CAMK2D: variants seen among roughly 807,000 people sequenced by gnomAD.
CAMK2D encodes calcium/calmodulin dependent protein kinase II delta.
Under a neutral mutation model 84.0 loss-of-function variants are expected in CAMK2D, and 37 were observed. The ratio of observed to expected loss-of-function variants is 0.44; its 90% CI spans 0.34 to 0.58. The LOEUF is 0.58. Ranked by LOEUF, CAMK2D falls within the 20% of genes least tolerant of loss-of-function variation. CAMK2D has a pLI of 0.02. For missense variants in CAMK2D, 448 were observed against 652.5 expected (o/e 0.69, Z 3.41); for synonymous variants, 202 against 212.5 (o/e 0.95, Z 0.43).
intron 2 of CAMK2D, among the ~76,000 whole-genome samples, chr4:113,685,064 A>G (rs955487191): frequency 1.3e-5 from 2 of 152,142 alleles, no homozygotes; most frequent in Admixed American, 6.5e-5. Flanking sequence ...AGGCACCTGG[A>G]GAGAGTAAAC....
At chr4:113,503,159 G>T in intron 14 of CAMK2D, 182 bp from the exon 15 acceptor site, 7 of 724,096 alleles carry the variant, frequency 9.7e-6, no homozygotes, top group Non-Finnish European at 1.8e-5. Flanking sequence ...CCCTGGCGAG[G>T]CCATGAGATA....
chr4:113,670,938 A>T (rs1283328628), intron 2 of CAMK2D, among the ~76,000 whole-genome samples: 5 of 152,104 alleles, frequency 3.3e-5, no homozygotes. Flanking sequence ...AAAAAAAAAA[A>T]GATAAACACA....
rs140050634 is a variant in CAMK2D, at chr4:113,755,966, T to C, written c.160+3354A>G. On this transcript the variant is annotated intron_variant, in intron 2 of 20. Coordinates refer to ENST00000511664, the MANE Select transcript of CAMK2D (RefSeq NM_001321571.2). ...AATTACATATAAAATATAAGATGCTTGAGATGCTTCCATACTACTTATTTT... is the reference window on the plus strand; with the variant it reads ...AATTACATATAAAATATAAGATGCTCGAGATGCTTCCATACTACTTATTTT... Among the ~76,000 whole-genome samples, 97 of 152,110 alleles carry C rather than the reference T, an allele frequency of 6.4e-4. 2 individuals are homozygous for C. In the East Asian group the frequency reaches 0.016, roughly 25 times the overall value.
At chr4:113,490,893 T>C in intron 16 of CAMK2D, among the ~76,000 whole-genome samples, 2 of 85,022 alleles carry the variant, frequency 2.4e-5, no homozygotes, top group African/African-American at 1.2e-4. Context: ...TATTTTATTC[T>C]CTTTGAAGCA....
intron 16 of CAMK2D, among the ~76,000 whole-genome samples, chr4:113,482,322 C>A (rs889397126): frequency 6.6e-6 from 1 of 152,048 alleles, no homozygotes; most frequent in African/African-American, 2.4e-5. Flanking sequence ...TTTTCTGAGA[C>A]CGCATGTGGG....
At chr4:113,614,819 G>A (rs1449625684) in intron 3 of CAMK2D, among the ~76,000 whole-genome samples, 7 of 152,054 alleles carry the variant, frequency 4.6e-5, no homozygotes, top group Non-Finnish European at 5.9e-5. Flanking sequence ...CCTCAAATAC[G>A]TTTTTCAATA....
intron 15 of CAMK2D, 89 bp from the exon 16 acceptor site, chr4:113,500,600 C>A: frequency 1.3e-6 from 1 of 756,462 alleles, no homozygotes. Flanking sequence ...ACATATCATG[C>A]AAAATTCTTC....
chr4:113,725,870 T>C (rs953400047), intron 2 of CAMK2D, among the ~76,000 whole-genome samples: 3 of 152,050 alleles, frequency 2.0e-5, no homozygotes, highest in Non-Finnish European at 2.9e-5. Flanking sequence ...AGGAAGTAAA[T>C]CATACCATAT....
chr4:113,481,037 T>C (rs957421218), intron 16 of CAMK2D, among the ~76,000 whole-genome samples: 2 of 152,202 alleles, frequency 1.3e-5, no homozygotes, highest in African/African-American at 2.4e-5. Flanking sequence ...AATTACCCAG[T>C]CTGTGATATT....
chr4:113,479,054 T>TA (rs1406445784), intron 16 of CAMK2D, among the ~76,000 whole-genome samples: 1 of 152,226 alleles, frequency 6.6e-6, no homozygotes, highest in Non-Finnish European at 1.5e-5. Context: ...AATGATCCTG[T>TA]ACACAGTCAA....
At chr4:113,501,027 A>C (rs2098034039) in intron 15 of CAMK2D, among the ~76,000 whole-genome samples, 1 of 152,088 alleles carries the variant, frequency 6.6e-6, no homozygotes, top group African/African-American at 2.4e-5. Context: ...TTTAATGAAG[A>C]AGCTAAGGGG....
chr4:113,542,782 A>C (rs1290961396), intron 6 of CAMK2D, among the ~76,000 whole-genome samples: 14 of 151,850 alleles, frequency 9.2e-5, no homozygotes. Context: ...ATTCCTTTCT[A>C]CTTTGGTCAT....
intron 4 of CAMK2D, among the ~76,000 whole-genome samples, chr4:113,599,846 T>G (rs890406745): frequency 5.9e-5 from 9 of 152,162 alleles, no homozygotes; most frequent in Admixed American, 3.9e-4. Context: ...AAAGGTCTTA[T>G]CCTCATCATC....
chr4:113,696,420 A>G (rs950877628), intron 2 of CAMK2D, among the ~76,000 whole-genome samples: 34 of 152,018 alleles, frequency 2.2e-4, no homozygotes, highest in African/African-American at 7.5e-4. Context: ...ACAATCAATA[A>G]TTATTTTTTA....
intron 2 of CAMK2D, among the ~76,000 whole-genome samples, chr4:113,674,920 T>C (rs1363972343): frequency 6.6e-6 from 1 of 151,838 alleles, no homozygotes; most frequent in Non-Finnish European, 1.5e-5. Context: ...CTTGAGACTC[T>C]AGGAATTCTG....
At chr4:113,484,384 T>C (rs941667027) in intron 16 of CAMK2D, among the ~76,000 whole-genome samples, 1 of 152,210 alleles carries the variant, frequency 6.6e-6, no homozygotes. Context: ...TGATCTTCTC[T>C]GAAAGGAGGC....
At chr4:113,638,011 T>C (rs572634285) in intron 3 of CAMK2D, among the ~76,000 whole-genome samples, 1 of 152,282 alleles carries the variant, frequency 6.6e-6, no homozygotes, top group African/African-American at 2.4e-5. Context: ...TTCTCCCAAA[T>C]ATGGTATTAC....
At chr4:113,471,077 T>C (rs1021930057) in intron 16 of CAMK2D, among the ~76,000 whole-genome samples, 10 of 152,240 alleles carry the variant, frequency 6.6e-5, no homozygotes, top group African/African-American at 2.4e-5. Context: ...AAAACACTTT[T>C]TGACTTGTCT....
At chr4:113,580,061 A>G (rs1363302552) in intron 4 of CAMK2D, among the ~76,000 whole-genome samples, 1 of 152,182 alleles carries the variant, frequency 6.6e-6, no homozygotes, top group Non-Finnish European at 1.5e-5. Flanking sequence ...AGATTTTACA[A>G]TGAAAGATAC....
Sources: gnomAD v4.1 joint callset for allele counts (sites outside exome capture counted in the v4.1 genomes callset) on GRCh38, gnomAD v4.1.1 for gene constraint, MANE v1.5 for transcripts, NCBI Gene and HGNC (gene_info 2026-07-23, HGNC 2026-07-21) for gene names.